Variants in HTR3B observed in about 807,000 individuals in gnomAD.
HTR3B encodes the protein 5-hydroxytryptamine (serotonin) receptor 3B, ionotropic.
HTR3B carries 44 observed loss-of-function variants against 42.8 expected under a neutral mutation model. The ratio of observed to expected loss-of-function variants is 1.03; its 90% CI spans 0.81 to 1.32. The LOEUF (loss-of-function observed/expected upper bound fraction) is 1.32, where lower values mean the gene tolerates loss of function less well. HTR3B is among the 40% of genes most tolerant of loss of function. HTR3B has a pLI of 0.00. For missense variants in HTR3B, 527 were observed against 536.5 expected, an observed-to-expected ratio of 0.98 and a Z score of 0.17; for synonymous variants, 203 against 209.0, an observed-to-expected ratio of 0.97 and a Z score of 0.25.
chr11:113,923,648 G>T (rs1348323160), intron 2 of HTR3B, among the ~76,000 whole-genome samples: 1 of 152,086 alleles, frequency 6.6e-6, no homozygotes, highest in African/African-American at 2.4e-5. Flanking sequence ...GAAGACTAAT[G>T]AATTCCAATT....
chr11:113,939,345 G>A (rs1282871801), intron 6 of HTR3B, among the ~76,000 whole-genome samples: 2 of 152,164 alleles, frequency 1.3e-5, no homozygotes, highest in South Asian at 2.1e-4. Flanking sequence ...AATATGCAGG[G>A]TTAGTGAAAA....
chr11:113,939,824 A>C (rs889033825), intron 6 of HTR3B, among the ~76,000 whole-genome samples: 1 of 151,936 alleles, frequency 6.6e-6, no homozygotes, highest in Non-Finnish European at 1.5e-5. Flanking sequence ...ATCATCCAGG[A>C]GGACTTAAAC....
chr11:113,926,267 C>G (rs1406622750), intron 2 of HTR3B, among the ~76,000 whole-genome samples: 1 of 151,966 alleles, frequency 6.6e-6, no homozygotes, highest in Non-Finnish European at 1.5e-5. Flanking sequence ...ACTCATCAGT[C>G]GATAGATGTT....
At position 113,946,239 on chromosome 11, in the gene HTR3B, G is replaced by C; in HGVS notation, c.*102G>C. 6 of 884,080 alleles carry C rather than the reference G, an allele frequency of 6.8e-6. No individual in the cohort carries two copies. Among genetic ancestry groups the C allele is most frequent in the Non-Finnish European group, 1.1e-5 (6 of 559,782 alleles). The allele number at this position is 884,080 out of a possible 1,614,324, so 54.8% of individuals were successfully genotyped here. On this transcript the variant is annotated 3_prime_UTR_variant, in exon 9 of 9. Coordinates refer to ENST00000260191, the MANE Select transcript of HTR3B (RefSeq NM_006028.5). ...TTCTGGGTCGGGTGTGGTGGTTCTTGCCTATAGTCCCAGTGCTTTGGGAGG... is the reference window on the plus strand; with the variant it reads ...TTCTGGGTCGGGTGTGGTGGTTCTTCCCTATAGTCCCAGTGCTTTGGGAGG...
At chr11:113,940,135 C>T (rs557921818) in intron 6 of HTR3B, among the ~76,000 whole-genome samples, 16 of 152,206 alleles carry the variant, frequency 1.1e-4, no homozygotes, top group South Asian at 2.1e-4. Context: ...GATCCACCCG[C>T]GTTGGCCTCC....
Position 113,904,929 on chromosome 11 carries a change from C to A in HTR3B, c.-5C>A, listed in dbSNP as rs1175912890. The A allele has an allele frequency of 2.5e-6, 4 of 1,613,024 alleles. No individual in the cohort carries two copies. The highest frequency in any genetic ancestry group is 3.4e-6 in the Non-Finnish European group (4 of 1,179,206). ...GCATTTCTCCTTTTTGGGATCTGCC[C>A]AGGAATGTTGTCAAGTGTAATGGCT... On this transcript the variant is annotated 5_prime_UTR_variant, in exon 1 of 9. Transcript: ENST00000260191.
chr11:113,946,200 T>C lies in HTR3B; in HGVS notation c.*63T>C, dbSNP rs1235756027. The stretch of plus-strand genomic sequence containing the variant: ...GGAGAGAGAGGAGGGGGAATAATAG[T>C]GGGTTAAAAAGCTTTCTGGGTCGGG... On this transcript the variant is annotated 3_prime_UTR_variant, in exon 9 of 9. Coordinates refer to ENST00000260191, the MANE Select transcript of HTR3B (RefSeq NM_006028.5). The C allele has an allele frequency of 2.6e-5, 35 of 1,358,136 alleles. No individual in the cohort carries two copies. The highest frequency in any genetic ancestry group is 5.1e-5 in the Admixed American group (3 of 58,840). The allele number at this position is 1,358,136 out of a possible 1,614,324, so 84.1% of individuals were successfully genotyped here.
At position 113,909,189 on chromosome 11, in the gene HTR3B, A is replaced by T. The variant is rs1012715714; in HGVS notation, c.53-106A>T. ...AATTGATGCAGATTTTGGTGAGCTG[A>T]AAGCTATATTCTAGTAAAAGCCACC... On this transcript the variant is annotated intron_variant, in intron 1 of 8. Coordinates refer to ENST00000260191, the MANE Select transcript of HTR3B (RefSeq NM_006028.5). 44 of 860,726 alleles carry T rather than the reference A, an allele frequency of 5.1e-5. No individual in the cohort carries two copies. The South Asian group carries it at 6.1e-4, about 12-fold the overall frequency. The allele number at this position is 860,726 out of a possible 1,614,324, so 53.3% of individuals were successfully genotyped here. A position where few individuals can be genotyped will look rare whatever the true frequency, so the allele number is the denominator to read the frequency against.
chr11:113,947,599 TG>T lies in HTR3B; in HGVS notation c.*1463del, dbSNP rs1950189626. Among the ~76,000 whole-genome samples, 1 of 152,208 alleles carries T rather than the reference TG, an allele frequency of 6.6e-6. No homozygotes were observed. Among genetic ancestry groups the T allele is most frequent in the Admixed American group, 6.5e-5 (1 of 15,280 alleles). On this transcript the variant is annotated 3_prime_UTR_variant, in exon 9 of 9. Coordinates refer to ENST00000260191, the MANE Select transcript of HTR3B (RefSeq NM_006028.5). ...CTTTGTTTTCACATGACCTTTCCTC[TG>T]TGCATGCTCATGTCTGTGTCCAGAT...
chr11:113,944,700 C>T lies in HTR3B; in HGVS notation c.1035C>T (p.Asp345=). The change falls in exon 8 of 9, where the codon GAC becomes GAT. Residue 345 remains aspartate (D), a synonymous_variant. Transcript: ENST00000260191. ...QEQPFLCLRG[D]TDADRPRVEP... ...AGCCCTTCTTGTGCCTTCGAGGGGACACCGATGCTGACAGGCCTAGAGTGG... is the reference window on the plus strand; with the variant it reads ...AGCCCTTCTTGTGCCTTCGAGGGGATACCGATGCTGACAGGCCTAGAGTGG... The T allele has an allele frequency of 6.2e-7, 1 of 1,614,134 alleles. No homozygotes were observed. The highest frequency in any genetic ancestry group is 8.5e-7 in the Non-Finnish European group (1 of 1,180,024).
intron 2 of HTR3B, among the ~76,000 whole-genome samples, chr11:113,914,619 A>AT (rs938400421): frequency 1.2e-4 from 18 of 151,584 alleles, no homozygotes; most frequent in African/African-American, 3.9e-4. Context: ...AGTAGCTGAG[A>AT]TTACAGGTGT....
rs1338335509 is a variant in HTR3B, at chr11:113,934,390, G to GAAAGAAGGAAAGAAAGAAAA, written c.696+1304_696+1323dup. On this transcript the variant is annotated intron_variant, in intron 6 of 8. Coordinates refer to ENST00000260191, the MANE Select transcript of HTR3B (RefSeq NM_006028.5). ...AAGGAAGGAAGGAAGGATGGAAGAA[G>GAAAGAAGGAAAGAAAGAAAA]AAAGAAGGAAAGAAAGAAAAAAAGA... Among the ~76,000 whole-genome samples the GAAAGAAGGAAAGAAAGAAAA allele has an allele frequency of 3.4e-3, 442 of 129,946 alleles. 4 individuals carry two copies. The highest frequency in any genetic ancestry group is 0.012 in the African/African-American group (425 of 34,680). 85.2% of individuals were successfully genotyped at this position (129,946 alleles called of 152,430 possible).
the HTR3B span, among the ~76,000 whole-genome samples, chr11:113,899,253 T>C: frequency 6.6e-6 from 1 of 152,198 alleles, no homozygotes; most frequent in African/African-American, 2.4e-5. Context: ...AAAAATGAAA[T>C]TCTAAGCTAG....
In HTR3B at chr11:113,947,714, A is replaced by C. The variant is rs1950190367; in HGVS notation, c.*1577A>C. 6.6e-6 allele frequency among the ~76,000 whole-genome samples: 1 copy of C among 152,128 alleles called. No individual in the cohort carries two copies. Among genetic ancestry groups the C allele is most frequent in the Admixed American group, 6.5e-5 (1 of 15,272 alleles). ...CCTTAATCACTTTTTTCAAGGCCCT[A>C]TGTTCAAACAGTCATATTCTGAGTA... On this transcript the variant is annotated 3_prime_UTR_variant, in exon 9 of 9. Coordinates refer to ENST00000260191, the MANE Select transcript of HTR3B (RefSeq NM_006028.5).
chr11:113,901,914 A>T (rs1949699958), upstream of HTR3B, among the ~76,000 whole-genome samples: 1 of 152,188 alleles, frequency 6.6e-6, no homozygotes, highest in Admixed American at 6.5e-5. Flanking sequence ...TTCCCATAAA[A>T]ACTGCTACCT....
At chr11:113,926,624 G>A (rs1949978635) in intron 2 of HTR3B, among the ~76,000 whole-genome samples, 1 of 151,706 alleles carries the variant, frequency 6.6e-6, no homozygotes, top group Non-Finnish European at 1.5e-5. Context: ...CAGCTCCCGG[G>A]TTCAAGTGAT....
At chr11:113,923,009 T>C (rs377651211) in intron 2 of HTR3B, among the ~76,000 whole-genome samples, 3 of 152,248 alleles carry the variant, frequency 2.0e-5, no homozygotes, top group Admixed American at 6.5e-5. Context: ...ATTGGATTGA[T>C]ACTTGTCCAA....
At position 113,946,097 on chromosome 11, in the gene HTR3B, T is replaced by A. The variant is rs1950176234; in HGVS notation, c.1286T>A (p.Ile429Asn). The A allele has an allele frequency of 6.2e-7, 1 of 1,613,966 alleles. No individual in the cohort carries two copies. The highest frequency in any genetic ancestry group is 1.1e-5 in the South Asian group (1 of 91,094). Residue 429 changes from isoleucine (I) to asparagine (N), a missense_variant, in exon 9 of 9, where the codon ATC becomes AAC. Transcript: ENST00000260191. ...SYLFMLGIYT[I>N]TLCSLWALWG... ...CTTTTCATGCTGGGGATCTACACCA[T>A]CACTCTGTGCTCCCTCTGGGCACTG...
At chr11:113,904,716 G>A, upstream of HTR3B, 1 of 507,034 alleles carries the variant, frequency 2.0e-6, no homozygotes, top group East Asian at 3.3e-5. Context: ...GAGAAGTTAA[G>A]GGATTTCATG....
Sources: gnomAD v4.1 joint callset for allele counts (sites outside exome capture counted in the v4.1 genomes callset) on GRCh38, gnomAD v4.1.1 for gene constraint, MANE v1.5 for transcripts, NCBI Gene and HGNC (gene_info 2026-07-23, HGNC 2026-07-21) for gene names.